KIAA0825: variants seen among roughly 807,000 people sequenced by gnomAD.
KIAA0825 encodes the protein uncharacterized protein KIAA0825.
KIAA0825 carries 119 observed loss-of-function variants against 147.6 expected under a neutral mutation model. That is an observed-to-expected ratio of 0.81 (90% CI 0.69 to 0.94). The LOEUF (loss-of-function observed/expected upper bound fraction) is 0.94, where lower values mean the gene tolerates loss of function less well. KIAA0825 is among the 40% of genes least tolerant of loss of function. The probability of loss-of-function intolerance (pLI) is 0.00; values close to 1 mark genes in which losing one functional copy is unlikely to be tolerated. For missense variants in KIAA0825, 1,381 were observed against 1,472.7 expected (o/e 0.94, Z 1.02); for synonymous variants, 470 against 518.1 (o/e 0.91, Z 1.26).
At chr5:94,248,254 GA>G (rs1349044069) in intron 20 of KIAA0825, among the ~76,000 whole-genome samples, 2 of 152,078 alleles carry the variant, frequency 1.3e-5, no homozygotes, top group Non-Finnish European at 2.9e-5. Context: ...CTCTCATTCA[GA>G]AGAATTTTTT....
chr5:94,163,379 AC>A (rs1373136840), intron 20 of KIAA0825, among the ~76,000 whole-genome samples: 1 of 152,130 alleles, frequency 6.6e-6, no homozygotes, highest in Non-Finnish European at 1.5e-5. Context: ...GATCCCAATA[AC>A]CTTTTCCTTC....
rs534707007 is a variant in KIAA0825, at chr5:94,607,420, G to A, written c.-153+11080C>T. On this transcript the variant is annotated intron_variant, in intron 1 of 20. Coordinates refer to ENST00000682413, the MANE Select transcript of KIAA0825 (RefSeq NM_001145678.3). ...GGTGGATCACCTGAGGTCAGGAGTT[G>A]AAGACCAGCCTGGCCAACCCTCTAC... 3.7e-4 allele frequency among the ~76,000 whole-genome samples: 49 copies of A among 130,862 alleles called. 1 individual carries two copies. The highest frequency in any genetic ancestry group is 7.5e-4 in the Non-Finnish European group (45 of 60,296). The allele number at this position is 130,862 out of a possible 152,430, so 85.9% of individuals were successfully genotyped here.
At chr5:94,515,843 G>A (rs1013021767) in intron 5 of KIAA0825, among the ~76,000 whole-genome samples, 3 of 150,842 alleles carry the variant, frequency 2.0e-5, no homozygotes. Context: ...GAACAAAATC[G>A]GTTATTCAGA....
intron 14 of KIAA0825, among the ~76,000 whole-genome samples, chr5:94,422,305 G>A (rs1275501627): frequency 2.0e-5 from 3 of 152,062 alleles, no homozygotes; most frequent in Non-Finnish European, 4.4e-5. Flanking sequence ...AAAACACAGG[G>A]ACACAGAGAA....
chr5:94,159,733 C>T (rs1414591852), intron 20 of KIAA0825, among the ~76,000 whole-genome samples: 2 of 152,032 alleles, frequency 1.3e-5, no homozygotes, highest in Non-Finnish European at 2.9e-5. Context: ...CCTATAATCA[C>T]TTTGCTGTAT....
chr5:94,536,328 T>C (rs757264585), intron 3 of KIAA0825, among the ~76,000 whole-genome samples: 4 of 152,214 alleles, frequency 2.6e-5, no homozygotes, highest in African/African-American at 9.6e-5. Context: ...CATTACACAA[T>C]AGAAATTTTT....
intron 20 of KIAA0825, among the ~76,000 whole-genome samples, chr5:94,216,057 G>C (rs954304057): frequency 6.6e-6 from 1 of 151,964 alleles, no homozygotes; most frequent in Non-Finnish European, 1.5e-5. Flanking sequence ...CATGATTTTG[G>C]TGTGTCTAGG....
At chr5:94,586,397 G>C (rs1783289906) in intron 1 of KIAA0825, among the ~76,000 whole-genome samples, 2 of 152,172 alleles carry the variant, frequency 1.3e-5, no homozygotes, top group Admixed American at 1.3e-4. Flanking sequence ...TACCATCAGA[G>C]AATACTATAA....
chr5:94,255,345 C>T (rs776124030), intron 20 of KIAA0825, among the ~76,000 whole-genome samples: 2 of 151,704 alleles, frequency 1.3e-5, no homozygotes, highest in Non-Finnish European at 2.9e-5. Flanking sequence ...AAAACATACC[C>T]TAGATACCAA....
chr5:94,179,571 C>A (rs1769413610), intron 20 of KIAA0825, among the ~76,000 whole-genome samples: 1 of 152,030 alleles, frequency 6.6e-6, no homozygotes, highest in African/African-American at 2.4e-5. Flanking sequence ...ACCCCAGTAG[C>A]AGTGAACACA....
intron 1 of KIAA0825, among the ~76,000 whole-genome samples, chr5:94,604,491 G>A (rs776418846): frequency 5.3e-5 from 8 of 152,076 alleles, no homozygotes; most frequent in Non-Finnish European, 1.0e-4. Flanking sequence ...CCCAGGAAGC[G>A]GAGGTTGCAG....
intron 2 of KIAA0825, among the ~76,000 whole-genome samples, chr5:94,549,495 T>TGAGGTCAG (rs1197621948): frequency 6.6e-6 from 1 of 152,186 alleles, no homozygotes; most frequent in Non-Finnish European, 1.5e-5. Context: ...GCAGATGCCC[T>TGAGGTCAG]GAGGTCAGGA....
intron 5 of KIAA0825, among the ~76,000 whole-genome samples, chr5:94,516,902 A>G (rs943908998): frequency 1.3e-5 from 2 of 152,144 alleles, no homozygotes; most frequent in African/African-American, 4.8e-5. Flanking sequence ...GGAGTTGGAG[A>G]CCAGCCTGAC....
In KIAA0825 at chr5:94,384,462, A is replaced by G; in HGVS notation, c.3620-4T>C. 1 of 1,548,850 alleles carries G rather than the reference A, an allele frequency of 6.5e-7. No individual in the cohort carries two copies. The highest frequency in any genetic ancestry group is 1.2e-5 in the South Asian group (1 of 84,002). Reference sequence around the variant, plus strand: ...TTCCAGTTCCATTTTGTGATGGCTGACTGTTGATAAATGAGAAGACACTAT... The same window carrying G: ...TTCCAGTTCCATTTTGTGATGGCTGGCTGTTGATAAATGAGAAGACACTAT... On this transcript the variant is annotated splice_region_variant and splice_polypyrimidine_tract_variant and intron_variant, in intron 19 of 20. Transcript: ENST00000682413.
intron 1 of KIAA0825, among the ~76,000 whole-genome samples, chr5:94,604,308 T>C (rs1787071342): frequency 6.6e-6 from 1 of 152,192 alleles, no homozygotes; most frequent in Non-Finnish European, 1.5e-5. Flanking sequence ...TCCCAGCACT[T>C]TGGGAGGCCA....
At chr5:94,563,838 C>T (rs1451017904) in intron 2 of KIAA0825, among the ~76,000 whole-genome samples, 1 of 152,080 alleles carries the variant, frequency 6.6e-6, no homozygotes, top group Non-Finnish European at 1.5e-5. Flanking sequence ...GCGCCTGCCA[C>T]CATGCCCAGC....
At chr5:94,227,061 GA>G (rs758403665) in intron 20 of KIAA0825, among the ~76,000 whole-genome samples, 7 of 152,014 alleles carry the variant, frequency 4.6e-5, no homozygotes, top group Non-Finnish European at 8.8e-5. Flanking sequence ...ATACCCAAAG[GA>G]CTATAAATCA....
At chr5:94,565,945 G>A (rs1451221257) in intron 2 of KIAA0825, among the ~76,000 whole-genome samples, 1 of 151,980 alleles carries the variant, frequency 6.6e-6, no homozygotes, top group East Asian at 1.9e-4. Context: ...CCATTCCCCA[G>A]GCTCTTGTAA....
At chr5:94,440,933 A>G (rs998440711) in intron 13 of KIAA0825, among the ~76,000 whole-genome samples, 1 of 152,062 alleles carries the variant, frequency 6.6e-6, no homozygotes. Context: ...AACAACAAAA[A>G]AGGCAGGAAA....
Sources: allele counts gnomAD v4.1 joint callset (sites outside exome capture counted in the v4.1 genomes callset), GRCh38; gene constraint gnomAD v4.1.1; transcripts MANE v1.5; gene names NCBI Gene and HGNC (gene_info 2026-07-23, HGNC 2026-07-21).